Variants in TAFA4 observed in about 807,000 individuals in gnomAD.
TAFA4 encodes the protein TAFA chemokine like family member 4.
A neutral mutation model predicts 21.1 loss-of-function variants in TAFA4; 20 were observed. The ratio of observed to expected loss-of-function variants is 0.95; its 90% CI spans 0.67 to 1.38. The LOEUF is 1.38. TAFA4 is among the 40% of genes most tolerant of loss of function. TAFA4 has a pLI of 0.00. For missense variants in TAFA4, 211 were observed against 180.9 expected (o/e 1.17, Z -0.95); for synonymous variants, 71 against 67.4 (o/e 1.05, Z -0.26).
chr3:68,752,184 C>G (rs1267568230), intron 4 of TAFA4, among the ~76,000 whole-genome samples: 2 of 152,168 alleles, frequency 1.3e-5, no homozygotes. Context: ...CACTGCAGAG[C>G]AACTGCTACA....
chr3:68,761,224 A>T (rs1468682568), intron 3 of TAFA4, among the ~76,000 whole-genome samples: 1 of 152,234 alleles, frequency 6.6e-6, no homozygotes, highest in South Asian at 2.1e-4. Flanking sequence ...TACTTGAAAC[A>T]CTGCAGATAC....
intron 1 of TAFA4, among the ~76,000 whole-genome samples, 178 bp downstream of exon 1, chr3:68,932,062 C>T (rs1382216465): frequency 1.3e-5 from 2 of 152,156 alleles, no homozygotes; most frequent in African/African-American, 2.4e-5. Context: ...CCGACCTCAG[C>T]ACAGGCACTC....
At chr3:68,832,748 G>A (rs1704430234) in intron 3 of TAFA4, among the ~76,000 whole-genome samples, 1 of 152,254 alleles carries the variant, frequency 6.6e-6, no homozygotes, top group Non-Finnish European at 1.5e-5. Context: ...TAAGTCTGCG[G>A]AAGCTGTCTG....
intron 5 of TAFA4, among the ~76,000 whole-genome samples, 157 bp from the exon 6 acceptor site, chr3:68,733,310 T>G (rs762697032): frequency 5.3e-5 from 8 of 152,038 alleles, no homozygotes; most frequent in Non-Finnish European, 2.9e-5. Flanking sequence ...CAAATTCTGC[T>G]TTGCAGCCTA....
chr3:68,806,754 C>T (rs1008028590), intron 3 of TAFA4, among the ~76,000 whole-genome samples: 5 of 152,116 alleles, frequency 3.3e-5, no homozygotes, highest in Non-Finnish European at 4.4e-5. Flanking sequence ...CATGATTGAA[C>T]TTGCTTTCCC....
Position 68,733,083 on chromosome 3 carries a change from A to G in TAFA4, c.*59T>C. 1 of 1,609,008 alleles carries G rather than the reference A, an allele frequency of 6.2e-7. No homozygotes were observed. The highest frequency in any genetic ancestry group is 8.5e-7 in the Non-Finnish European group (1 of 1,177,468). On this transcript the variant is annotated 3_prime_UTR_variant, in exon 6 of 6. Transcript: ENST00000295569. ...TGCAAAGGGGCCATGATGGGAATCC[A>G]AGCAAAAGAGCTCCGCCTCCTGCTG...
Position 68,759,616 on chromosome 3 carries a change from C to A in TAFA4, c.131-6598G>T, listed in dbSNP as rs114401999. Reference sequence around the variant, plus strand: ...ACAGCAGGGGAACATAATGGTGTGGCGATCCATCTTGAAAACTGAAGCTAA... The same window carrying A: ...ACAGCAGGGGAACATAATGGTGTGGAGATCCATCTTGAAAACTGAAGCTAA... On this transcript the variant is annotated intron_variant, in intron 3 of 5. Transcript: ENST00000295569. 3.1e-3 allele frequency among the ~76,000 whole-genome samples: 469 copies of A among 152,176 alleles called. 1 individual carries two copies. The highest frequency in any genetic ancestry group is 4.5e-3 in the Non-Finnish European group (304 of 68,004).
chr3:68,779,499 T>A (rs1178312323), intron 3 of TAFA4, among the ~76,000 whole-genome samples: 1 of 151,990 alleles, frequency 6.6e-6, no homozygotes, highest in Non-Finnish European at 1.5e-5. Flanking sequence ...GGGCCCAGGG[T>A]CCCTCTGCTG....
Position 68,876,625 on chromosome 3 carries a change from T to C in TAFA4, c.130+4105A>G, listed in dbSNP as rs1183112459. Reference sequence around the variant, plus strand: ...ATCATAGGGGACAGAAAACATGGGATCAAACTTGGATGCAACAACTGCTCT... The same window carrying C: ...ATCATAGGGGACAGAAAACATGGGACCAAACTTGGATGCAACAACTGCTCT... On this transcript the variant is annotated intron_variant, in intron 3 of 5. Transcript: ENST00000295569. Among the ~76,000 whole-genome samples, 5 of 152,236 alleles carry C rather than the reference T, an allele frequency of 3.3e-5. No homozygotes were observed. The East Asian group carries it at 5.8e-4, about 18-fold the overall frequency.
chr3:68,881,749 C>T (rs983458990), intron 2 of TAFA4, among the ~76,000 whole-genome samples: 1 of 152,170 alleles, frequency 6.6e-6, no homozygotes, highest in African/African-American at 2.4e-5. Flanking sequence ...AATGTATACA[C>T]ACTTATGGGC....
chr3:68,733,254 T>C, intron 5 of TAFA4, 101 bp from the exon 6 acceptor site: 2 of 1,444,686 alleles, frequency 1.4e-6, no homozygotes, highest in Non-Finnish European at 1.9e-6. Context: ...GAATACTTTA[T>C]CAGTTTGTAC....
chr3:68,897,144 C>T (rs149613062), intron 1 of TAFA4, among the ~76,000 whole-genome samples: 1,721 of 151,898 alleles, frequency 0.011, 25 homozygotes, highest in African/African-American at 0.039. Context: ...TCAAGTGATC[C>T]GCCCGCCTCG....
chr3:68,891,060 C>T (rs2089724900), intron 1 of TAFA4, among the ~76,000 whole-genome samples: 1 of 152,098 alleles, frequency 6.6e-6, no homozygotes. Flanking sequence ...AGCTTGAGGG[C>T]CTTCACCACC....
At chr3:68,812,776 A>G (rs906374385) in intron 3 of TAFA4, among the ~76,000 whole-genome samples, 2 of 152,146 alleles carry the variant, frequency 1.3e-5, no homozygotes, top group Non-Finnish European at 2.9e-5. Flanking sequence ...CAAGACCGAA[A>G]GTTAAGAAGG....
intron 3 of TAFA4, among the ~76,000 whole-genome samples, chr3:68,774,359 T>C (rs563156532): frequency 1.1e-4 from 16 of 152,294 alleles, no homozygotes; most frequent in African/African-American, 3.6e-4. Context: ...ATACACATTA[T>C]CTCCTTTGAA....
At chr3:68,741,845 G>A (rs887533413) in intron 4 of TAFA4, among the ~76,000 whole-genome samples, 8 of 151,886 alleles carry the variant, frequency 5.3e-5, no homozygotes, top group South Asian at 2.1e-4. Context: ...CCAAAGAATC[G>A]AAGAAGAGAG....
intron 4 of TAFA4, among the ~76,000 whole-genome samples, chr3:68,741,355 A>AGTGTTTTATATTTTT (rs1396362790): frequency 1.8e-4 from 28 of 152,174 alleles, no homozygotes; most frequent in African/African-American, 5.8e-4. Context: ...TTGATTCTTA[A>AGTGTTTTATATTTTT]GTGTTTTATA....
At chr3:68,828,556 G>A (rs11719884) in intron 3 of TAFA4, among the ~76,000 whole-genome samples, 1 of 152,086 alleles carries the variant, frequency 6.6e-6, no homozygotes, top group African/African-American at 2.4e-5. Context: ...ATTTCATTGA[G>A]CAATGGTTTG....
At chr3:68,852,804 A>G (rs1489496248) in intron 3 of TAFA4, among the ~76,000 whole-genome samples, 1 of 152,226 alleles carries the variant, frequency 6.6e-6, no homozygotes, top group African/African-American at 2.4e-5. Flanking sequence ...TACTAAAAAT[A>G]AAATAATACA....
Sources: allele counts gnomAD v4.1 joint callset (sites outside exome capture counted in the v4.1 genomes callset), GRCh38; gene constraint gnomAD v4.1.1; transcripts MANE v1.5; gene names NCBI Gene and HGNC (gene_info 2026-07-23, HGNC 2026-07-21).